SLC36A1: variants seen among roughly 807,000 people sequenced by gnomAD.
SLC36A1 encodes the protein proton-coupled amino acid transporter 1.
Under a neutral mutation model 47.5 loss-of-function variants are expected in SLC36A1, and 30 were observed. The ratio of observed to expected loss-of-function variants is 0.63; its 90% confidence interval spans 0.47 to 0.86. SLC36A1 has a LOEUF of 0.86. SLC36A1 is among the 40% of genes least tolerant of loss of function. The pLI, the probability that SLC36A1 is intolerant of heterozygous loss-of-function variation, is 0.00. For missense variants in SLC36A1, 517 were observed against 606.0 expected, an observed-to-expected ratio of 0.85 and a Z score of 1.54; for synonymous variants, 255 against 249.7, an observed-to-expected ratio of 1.02 and a Z score of -0.20.
chr5:151,467,797 C>T lies in SLC36A1; in HGVS notation c.595C>T (p.Leu199Phe). The T allele has an allele frequency of 1.2e-6, 2 of 1,614,086 alleles. No homozygotes were observed. The highest frequency in any genetic ancestry group is 1.7e-6 in the Non-Finnish European group (2 of 1,180,012). The stretch of plus-strand genomic sequence containing the variant: ...TACCATGGACTCGCGACTCTACATG[C>T]TCTCCTTCCTGCCCTTCCTGGTGCT... ...TPTMDSRLYM[L>F]SFLPFLVLLV... The change falls in exon 7 of 11, where the codon CTC becomes TTC. Residue 199 changes from leucine to phenylalanine, a missense_variant. By Grantham distance (22) the Leu-to-Phe change is conservative (BLOSUM62 0). Coordinates refer to ENST00000243389, the MANE Select transcript of SLC36A1 (RefSeq NM_078483.4).
At chr5:151,468,716 G>A (rs6877865) in intron 7 of SLC36A1, among the ~76,000 whole-genome samples, 20 of 151,792 alleles carry the variant, frequency 1.3e-4, no homozygotes, top group African/African-American at 4.6e-4. Context: ...CCCCCACCCA[G>A]GGGGCACTGG....
the SLC36A1 span, among the ~76,000 whole-genome samples, chr5:151,372,852 AAG>A: frequency 2.0e-5 from 3 of 152,350 alleles, no homozygotes; most frequent in Admixed American, 6.5e-5. Flanking sequence ...AACAGAAAAA[AAG>A]AGTGAAAAAA....
the SLC36A1 span, among the ~76,000 whole-genome samples, chr5:151,425,725 T>C: frequency 4.6e-5 from 7 of 152,212 alleles, no homozygotes; most frequent in African/African-American, 1.7e-4. Flanking sequence ...AGCCTGACTT[T>C]TCTCTTCAGA....
chr5:151,533,393 A>AAAACACACACAC, the SLC36A1 span, among the ~76,000 whole-genome samples: 339 of 132,166 alleles, frequency 2.6e-3, 2 homozygotes, highest in East Asian at 0.015. Context: ...TGTTATCTCC[A>AAAACACACACAC]ACACACACAC....
At chr5:151,543,838 T>G in the SLC36A1 span, 2 of 1,614,086 alleles carry the variant, frequency 1.2e-6, no homozygotes, top group Non-Finnish European at 1.7e-6. Context: ...CGATGAGCTG[T>G]TAATGAAGAA....
chr5:151,456,726 G>T (rs1754580517), intron 1 of SLC36A1, among the ~76,000 whole-genome samples: 1 of 152,182 alleles, frequency 6.6e-6, no homozygotes, highest in Non-Finnish European at 1.5e-5. Flanking sequence ...CTGGCATTTT[G>T]CCAGGTACTT....
At chr5:151,481,259 T>A (rs777334685) in intron 10 of SLC36A1, among the ~76,000 whole-genome samples, 3 of 152,218 alleles carry the variant, frequency 2.0e-5, no homozygotes, top group Non-Finnish European at 2.9e-5. Context: ...TTTTCCCTTC[T>A]GTGATCTGTT....
the SLC36A1 span, among the ~76,000 whole-genome samples, chr5:151,352,900 T>C: frequency 6.6e-6 from 1 of 152,230 alleles, no homozygotes; most frequent in South Asian, 2.1e-4. Flanking sequence ...AAGGGTATGA[T>C]TTAAACCCAG....
chr5:151,407,081 G>A, the SLC36A1 span, among the ~76,000 whole-genome samples: 1 of 152,170 alleles, frequency 6.6e-6, no homozygotes, highest in Non-Finnish European at 1.5e-5. Flanking sequence ...CTGACTTCAG[G>A]AGTGAAGCTG....
chr5:151,540,027 G>A, the SLC36A1 span, among the ~76,000 whole-genome samples: 11 of 152,364 alleles, frequency 7.2e-5, no homozygotes, highest in Admixed American at 6.5e-4. Context: ...CTCTGTTGGT[G>A]TATTTGATAA....
intron 10 of SLC36A1, chr5:151,480,264 T>C (rs1032802314): frequency 4.5e-6 from 2 of 443,694 alleles, no homozygotes; most frequent in Non-Finnish European, 7.8e-6. Context: ...CATAGATTCC[T>C]CTTTTTGGCT....
chr5:151,410,737 T>G, the SLC36A1 span, among the ~76,000 whole-genome samples: 1 of 144,668 alleles, frequency 6.9e-6, no homozygotes, highest in Non-Finnish European at 1.5e-5. Flanking sequence ...AGGAGAAATT[T>G]ATGGAGACCT....
At chr5:151,386,228 C>G in the SLC36A1 span, among the ~76,000 whole-genome samples, 3 of 151,978 alleles carry the variant, frequency 2.0e-5, no homozygotes, top group Admixed American at 2.0e-4. Flanking sequence ...TTCAGGGTCC[C>G]CTACTGGCTG....
At chr5:151,381,307 T>G in the SLC36A1 span, 1 of 212,262 alleles carries the variant, frequency 4.7e-6, no homozygotes, top group Non-Finnish European at 9.6e-6. Flanking sequence ...GGGAGCTCTT[T>G]GTAAAGTACT....
At chr5:151,369,567 CT>C in the SLC36A1 span, among the ~76,000 whole-genome samples, 6 of 152,210 alleles carry the variant, frequency 3.9e-5, no homozygotes, top group African/African-American at 1.4e-4. Context: ...ACTTCAAACT[CT>C]TGGGCTCAAG....
chr5:151,507,367 C>G, the SLC36A1 span: 8 of 1,614,066 alleles, frequency 5.0e-6, 1 homozygote, highest in Non-Finnish European at 6.8e-6. Flanking sequence ...GGGTTGAGCT[C>G]GATGGCAGGC....
the SLC36A1 span, among the ~76,000 whole-genome samples, chr5:151,534,923 T>C: frequency 6.8e-6 from 1 of 147,266 alleles, no homozygotes; most frequent in South Asian, 2.2e-4. Context: ...TTTCTAACAA[T>C]ATATAAAATG....
the SLC36A1 span, among the ~76,000 whole-genome samples, chr5:151,518,574 AT>A: frequency 6.6e-6 from 1 of 152,160 alleles, no homozygotes; most frequent in Non-Finnish European, 1.5e-5. Flanking sequence ...GCAGGAGTTA[AT>A]CATTTAGGTA....
chr5:151,380,459 A>G, the SLC36A1 span: 29 of 442,554 alleles, frequency 6.6e-5, no homozygotes, highest in Non-Finnish European at 2.8e-5. Flanking sequence ...AGACCTAGCT[A>G]GATGACTTGG....
Sources: allele counts gnomAD v4.1 joint callset (sites outside exome capture counted in the v4.1 genomes callset), GRCh38; gene constraint gnomAD v4.1.1; transcripts MANE v1.5; gene names NCBI Gene and HGNC (gene_info 2026-07-23, HGNC 2026-07-21).